Variants in CDK19 observed in about 807,000 individuals in gnomAD.
CDK19 encodes cyclin dependent kinase 19.
A neutral mutation model predicts 68.3 loss-of-function variants in CDK19; 20 were observed. The ratio of observed to expected loss-of-function variants is 0.29; its 90% CI spans 0.21 to 0.43. The LOEUF (loss-of-function observed/expected upper bound fraction) is 0.43. Among genes scored for constraint, CDK19 ranks in the 20% least tolerant of loss-of-function variants. The pLI, the probability that CDK19 is intolerant of heterozygous loss-of-function variation, is 1.00. For synonymous variants in CDK19, 221 were observed against 222.8 expected (o/e 0.99, Z 0.07); for missense variants, 339 against 623.5 (o/e 0.54, Z 4.86).
At chr6:110,633,113 G>A (rs1242890049) in intron 5 of CDK19, among the ~76,000 whole-genome samples, 4 of 152,070 alleles carry the variant, frequency 2.6e-5, no homozygotes, top group African/African-American at 7.2e-5. Flanking sequence ...CAGCCACTAC[G>A]GAGGCTGAGG....
At chr6:110,783,496 A>T (rs1780967980) in intron 1 of CDK19, among the ~76,000 whole-genome samples, 1 of 151,330 alleles carries the variant, frequency 6.6e-6, no homozygotes, top group African/African-American at 2.4e-5. Context: ...AAGTTAGCTG[A>T]GCGTGGTGGC....
intron 2 of CDK19, among the ~76,000 whole-genome samples, chr6:110,714,074 A>G (rs1418115148): frequency 6.6e-6 from 1 of 152,230 alleles, no homozygotes; most frequent in Non-Finnish European, 1.5e-5. Flanking sequence ...CAGCATATCC[A>G]TTAAGCAACA....
At chr6:110,638,768 G>A in intron 4 of CDK19, 62 bp from the exon 5 acceptor site, 2 of 887,558 alleles carry the variant, frequency 2.3e-6, no homozygotes, top group Non-Finnish European at 3.7e-6. Context: ...CTCTAAAATG[G>A]AGAAAAGTTC....
At chr6:110,670,629 T>TAGGATTGTTTTATATAG in intron 2 of CDK19, 88 bp from the exon 3 acceptor site, 1 of 795,530 alleles carries the variant, frequency 1.3e-6, no homozygotes. Context: ...ACGAAATTTC[T>TAGGATTGTTTTATATAG]GAAAATCTAG....
intron 2 of CDK19, among the ~76,000 whole-genome samples, chr6:110,735,649 C>G (rs1777193545): frequency 6.6e-6 from 1 of 152,158 alleles, no homozygotes; most frequent in African/African-American, 2.4e-5. Flanking sequence ...ACAGGTTGCA[C>G]AGACTGAGAT....
At chr6:110,649,728 T>G (rs1264998890) in intron 4 of CDK19, among the ~76,000 whole-genome samples, 1 of 152,168 alleles carries the variant, frequency 6.6e-6, no homozygotes, top group Non-Finnish European at 1.5e-5. Context: ...GTTTAACCAA[T>G]ACACATATTA....
At chr6:110,674,901 C>CAAAAAAAAAA in intron 2 of CDK19, among the ~76,000 whole-genome samples, 1 of 92,242 alleles carries the variant, frequency 1.1e-5, no homozygotes, top group African/African-American at 3.9e-5. Flanking sequence ...GACTCTGTCT[C>CAAAAAAAAAA]AAAAAAAAAA....
intron 5 of CDK19, among the ~76,000 whole-genome samples, chr6:110,633,679 A>G (rs528261316): frequency 6.6e-6 from 1 of 152,372 alleles, no homozygotes; most frequent in African/African-American, 2.4e-5. Flanking sequence ...GATATCATAA[A>G]TAACCAACAT....
chr6:110,647,739 C>T (rs1289256606), intron 4 of CDK19, among the ~76,000 whole-genome samples: 1 of 152,126 alleles, frequency 6.6e-6, no homozygotes. Context: ...CAATATGATT[C>T]AAACACTGTC....
chr6:110,813,984 G>C (rs1290948294), intron 1 of CDK19: 1 of 152,570 alleles, frequency 6.6e-6, no homozygotes, highest in Non-Finnish European at 1.5e-5. Flanking sequence ...CCAGGAAGCT[G>C]GTTCCACCAG....
chr6:110,692,852 C>T (rs536181431), intron 2 of CDK19, among the ~76,000 whole-genome samples: 46 of 152,202 alleles, frequency 3.0e-4, no homozygotes, highest in African/African-American at 9.9e-4. Flanking sequence ...CAAACATTAG[C>T]CAGACATGTT....
chr6:110,614,990 T>C (rs1325972755), intron 12 of CDK19, among the ~76,000 whole-genome samples: 1 of 152,194 alleles, frequency 6.6e-6, no homozygotes, highest in Admixed American at 6.5e-5. Flanking sequence ...ATCCTTTGCA[T>C]AACTGAGACG....
chr6:110,726,758 A>G (rs1472155148), intron 2 of CDK19, among the ~76,000 whole-genome samples: 2 of 152,166 alleles, frequency 1.3e-5, no homozygotes, highest in Non-Finnish European at 2.9e-5. Context: ...AGACTTTACA[A>G]AGGTGCTGGA....
chr6:110,646,463 G>T, intron 4 of CDK19: 1 of 1,489,834 alleles, frequency 6.7e-7, no homozygotes. Flanking sequence ...CATCCCTGAG[G>T]CCCAGAAGGC....
intron 1 of CDK19, among the ~76,000 whole-genome samples, chr6:110,814,422 AG>A (rs1783401132): frequency 6.6e-6 from 1 of 152,232 alleles, no homozygotes; most frequent in Non-Finnish European, 1.5e-5. Context: ...CAGGGATGGG[AG>A]GACTGCATAG....
chr6:110,733,942 T>C lies in CDK19; in HGVS notation c.204+12184A>G, dbSNP rs574634662. Among the ~76,000 whole-genome samples the C allele has an allele frequency of 3.9e-5, 6 of 152,276 alleles. No homozygotes were observed. The South Asian group carries it at 8.3e-4, about 21-fold the overall frequency. On this transcript the variant is annotated intron_variant, in intron 2 of 12. Transcript: ENST00000368911. ...TCCATTTCCAGCATTCCTCTCCTTT[T>C]GATCATTTTTAGTTCATCTACTGTT... is the stretch of plus-strand genomic sequence containing the variant.
At chr6:110,699,322 G>A (rs1394961872) in intron 2 of CDK19, among the ~76,000 whole-genome samples, 1 of 151,886 alleles carries the variant, frequency 6.6e-6, no homozygotes, top group African/African-American at 2.4e-5. Flanking sequence ...CTACATGGGA[G>A]GCCGAGGCAG....
chr6:110,626,895 A>G (rs367685081), intron 7 of CDK19, 50 bp from the exon 8 acceptor site: 2 of 1,391,370 alleles, frequency 1.4e-6, no homozygotes, highest in African/African-American at 1.5e-5. Context: ...TTAATTTAAA[A>G]TCTCCTAATT....
At chr6:110,650,390 T>C (rs1008342817) in intron 4 of CDK19, among the ~76,000 whole-genome samples, 6 of 152,314 alleles carry the variant, frequency 3.9e-5, no homozygotes, top group African/African-American at 1.4e-4. Context: ...ATGCTACTGG[T>C]AATCTTCCAC....
Sources: allele counts gnomAD v4.1 joint callset (sites outside exome capture counted in the v4.1 genomes callset), GRCh38; gene constraint gnomAD v4.1.1; transcripts MANE v1.5; gene names NCBI Gene and HGNC (gene_info 2026-07-23, HGNC 2026-07-21).